KDM2B: variants seen among roughly 807,000 people sequenced by gnomAD.
The protein encoded by KDM2B is lysine-specific demethylase 2B.
In KDM2B, 26 loss-of-function variants were observed where a neutral mutation model predicts 150.0. The observed-to-expected ratio is 0.17, with a 90% confidence interval of 0.13 to 0.24. KDM2B has a LOEUF of 0.24. Among genes scored for constraint, KDM2B ranks in the 10% least tolerant of loss-of-function variants. The pLI, the probability that KDM2B is intolerant of heterozygous loss-of-function variation, is 1.00. For missense variants in KDM2B, 1,265 were observed against 1,816.9 expected, an observed-to-expected ratio of 0.70 and a Z score of 5.52; for synonymous variants, 734 against 729.5, an observed-to-expected ratio of 1.01 and a Z score of -0.10.
the KDM2B span, chr12:121,409,516 C>T: frequency 7.2e-5 from 11 of 152,160 alleles, no homozygotes; most frequent in Admixed American, 7.2e-4. Context: ...GACATCTTCC[C>T]TTTGACTGAG....
chr12:121,439,195 A>C (rs1203410799), intron 22 of KDM2B, among the ~76,000 whole-genome samples: 1 of 152,058 alleles, frequency 6.6e-6, no homozygotes, highest in African/African-American at 2.4e-5. Flanking sequence ...CCTCCTGCCC[A>C]CCAGGGCCCT....
At position 121,580,977 on chromosome 12, in the gene KDM2B, T is replaced by A. The variant is rs1384707036; in HGVS notation, c.-66A>T. 1.9e-6 allele frequency: 3 copies of A among 1,571,094 alleles called. No homozygotes were observed. In the African/African-American group the frequency reaches 4.1e-5, roughly 21 times the overall value. ...GGCTTCCATACCTATAAGGACTGCCTAACTTTTAAACTCCCGGCACTCAAA... is the reference window on the plus strand; with the variant it reads ...GGCTTCCATACCTATAAGGACTGCCAAACTTTTAAACTCCCGGCACTCAAA... On this transcript the variant is annotated 5_prime_UTR_variant, in exon 1 of 23. Coordinates refer to ENST00000377071, the MANE Select transcript of KDM2B (RefSeq NM_032590.5).
chr12:121,560,969 G>A (rs1890297060), intron 4 of KDM2B, among the ~76,000 whole-genome samples: 1 of 152,190 alleles, frequency 6.6e-6, no homozygotes, highest in Non-Finnish European at 1.5e-5. Context: ...CCTGAAGTCA[G>A]TGGGTTACAG....
rs782344226 is a variant in KDM2B at position 121,580,800 on chromosome 12, C to A, written c.112G>T (p.Glu38Ter). Reference protein sequence around the residue: ...TVIYTKCFEFESATQRPIDRQ... With the variant: ...TVIYTKCFEF ...CCCAACATTACCTGTGTGGCCGACT[C>A]AAATTCAAAGCATTTTGTATATATA... is the stretch of plus-strand genomic sequence containing the variant. Residue 38 changes from glutamate (E) to a stop codon, truncating the protein, a stop_gained, in exon 1 of 23, where the codon GAG (glutamate) becomes TAG (stop). Transcript: ENST00000377071. LOFTEE classifies it high-confidence loss of function. 3 of 1,613,448 alleles carry A rather than the reference C, an allele frequency of 1.9e-6. No individual in the cohort carries two copies. In the African/African-American group the frequency reaches 4.0e-5, roughly 22 times the overall value.
the KDM2B span, chr12:121,415,293 A>G: frequency 5.2e-6 from 2 of 383,800 alleles, no homozygotes; most frequent in Non-Finnish European, 1.1e-5. Flanking sequence ...CCCAATTACA[A>G]ATGCGAAAAC....
intron 4 of KDM2B, among the ~76,000 whole-genome samples, chr12:121,562,890 G>A (rs1055285136): frequency 3.9e-5 from 6 of 152,124 alleles, no homozygotes; most frequent in African/African-American, 7.2e-5. Flanking sequence ...GCACATATGC[G>A]ATAAAAGATA....
chr12:121,523,712 A>G (rs1886887889), intron 8 of KDM2B, among the ~76,000 whole-genome samples: 1 of 152,204 alleles, frequency 6.6e-6, no homozygotes, highest in African/African-American at 2.4e-5. Flanking sequence ...CTCAGGGGAG[A>G]GCAAGGGAAA....
At chr12:121,449,846 T>A (rs894850241) in intron 13 of KDM2B, among the ~76,000 whole-genome samples, 2 of 152,174 alleles carry the variant, frequency 1.3e-5, no homozygotes, top group African/African-American at 4.8e-5. Context: ...GTCCTGGGGT[T>A]CGGGTACCAA....
intron 16 of KDM2B, 92 bp from the exon 17 acceptor site, chr12:121,443,885 A>C (rs1875645704): frequency 3.5e-6 from 5 of 1,412,762 alleles, no homozygotes; most frequent in Non-Finnish European, 4.8e-6. Context: ...TGACCTGCTC[A>C]GGGCAGCAAG....
At chr12:121,479,384 G>A (rs1881809284) in intron 12 of KDM2B, among the ~76,000 whole-genome samples, 1 of 150,788 alleles carries the variant, frequency 6.6e-6, no homozygotes, top group South Asian at 2.1e-4. Context: ...GGAGAATGGC[G>A]TGAACCCGGG....
At position 121,513,009 on chromosome 12, in the gene KDM2B, G is replaced by A. The variant is rs1448513837; in HGVS notation, c.1174+267C>T. On this transcript the variant is annotated intron_variant, in intron 10 of 22. Transcript: ENST00000377071. The surrounding 1 kb of genome is among the most constrained non-coding windows in gnomAD (Gnocchi z 5.0). ...TGATCCCGTTTTAGCAGCCAAGCCCGGGGCGGCCCCAACCTGCATCTACAC... is the reference window on the plus strand; with the variant it reads ...TGATCCCGTTTTAGCAGCCAAGCCCAGGGCGGCCCCAACCTGCATCTACAC... Among the ~76,000 whole-genome samples the A allele has an allele frequency of 6.6e-6, 1 of 151,870 alleles. No individual in the cohort carries two copies. The highest frequency in any genetic ancestry group is 1.5e-5 in the Non-Finnish European group (1 of 67,932).
intron 12 of KDM2B, among the ~76,000 whole-genome samples, chr12:121,466,917 G>A (rs1880064028): frequency 2.7e-5 from 4 of 147,276 alleles, no homozygotes; most frequent in East Asian, 2.0e-4. Flanking sequence ...TCCCCGCGGT[G>A]CCCGATGGCC....
chr12:121,423,191 T>C, the KDM2B span, among the ~76,000 whole-genome samples: 1 of 152,260 alleles, frequency 6.6e-6, no homozygotes, highest in African/African-American at 2.4e-5. This position sits in a 1 kb window ranked among gnomAD's most constrained non-coding sequence, Gnocchi z 4.3. Flanking sequence ...CCCTGAGGTA[T>C]AGCTTTTATC....
chr12:121,566,575 C>T (rs1890720193), intron 4 of KDM2B, among the ~76,000 whole-genome samples: 3 of 151,854 alleles, frequency 2.0e-5, no homozygotes, highest in South Asian at 4.1e-4. Context: ...GAGCCGAGAT[C>T]GCGCCAATGC....
chr12:121,464,762 T>C (rs1443826982), intron 12 of KDM2B, among the ~76,000 whole-genome samples: 2 of 152,186 alleles, frequency 1.3e-5, no homozygotes, highest in East Asian at 1.9e-4. Flanking sequence ...ATCTTCTCCT[T>C]TGGTGCCAAA....
intron 22 of KDM2B, among the ~76,000 whole-genome samples, chr12:121,437,049 A>G (rs782586699): frequency 7.9e-5 from 12 of 152,312 alleles, no homozygotes; most frequent in Middle Eastern, 3.4e-3. Flanking sequence ...ACCAAGAAAG[A>G]AGATATGAGA....
chr12:121,539,890 C>G (rs1835794215), intron 6 of KDM2B, among the ~76,000 whole-genome samples: 1 of 152,152 alleles, frequency 6.6e-6, no homozygotes, highest in African/African-American at 2.4e-5. Flanking sequence ...CAGGGGCACA[C>G]CACTACACCC....
At chr12:121,489,245 G>A (rs1280534193) in intron 12 of KDM2B, among the ~76,000 whole-genome samples, 1 of 151,246 alleles carries the variant, frequency 6.6e-6, no homozygotes, top group Non-Finnish European at 1.5e-5. Context: ...GCGCCCGGCC[G>A]GGTTTTATTT....
intron 11 of KDM2B, among the ~76,000 whole-genome samples, chr12:121,502,918 C>T (rs1555302296): frequency 1.3e-5 from 2 of 151,320 alleles, no homozygotes; most frequent in African/African-American, 2.4e-5. Flanking sequence ...GAGCAAAAGA[C>T]TCCATCTTGG....
Sources: allele counts gnomAD v4.1 joint callset (sites outside exome capture counted in the v4.1 genomes callset), GRCh38; gene constraint gnomAD v4.1.1; non-coding constraint Gnocchi (gnomAD v3.1); transcripts MANE v1.5; gene names NCBI Gene and HGNC (gene_info 2026-07-23, HGNC 2026-07-21).